FAR2: variants seen among roughly 807,000 people sequenced by gnomAD.
FAR2 encodes the protein epididymis secretory protein Li 81.
A neutral mutation model predicts 56.0 loss-of-function variants in FAR2; 19 were observed. The ratio of observed to expected loss-of-function variants is 0.34; its 90% CI spans 0.24 to 0.50. FAR2 has a LOEUF of 0.50. Ranked by LOEUF, FAR2 falls within the 20% of genes least tolerant of loss-of-function variation. The pLI, the probability that FAR2 is intolerant of heterozygous loss-of-function variation, is 0.98. For missense variants in FAR2, 508 were observed against 642.2 expected (o/e 0.79, Z 2.26); for synonymous variants, 219 against 218.8 (o/e 1.00, Z -0.01).
intron 3 of FAR2, among the ~76,000 whole-genome samples, chr12:29,295,391 G>C (rs2136755026): frequency 6.6e-6 from 1 of 152,092 alleles, no homozygotes; most frequent in Middle Eastern, 3.4e-3. Context: ...CATTTTTATA[G>C]AATTTTCCTT....
chr12:29,288,931 C>T (rs746383543), intron 2 of FAR2, among the ~76,000 whole-genome samples: 1 of 151,948 alleles, frequency 6.6e-6, no homozygotes, highest in Non-Finnish European at 1.5e-5. Flanking sequence ...TTTAAAAAGC[C>T]TTTAAAATAG....
intron 1 of FAR2, among the ~76,000 whole-genome samples, chr12:29,241,965 C>T (rs1315434151): frequency 6.6e-6 from 1 of 152,208 alleles, no homozygotes; most frequent in Non-Finnish European, 1.5e-5. Context: ...CCCATGTATT[C>T]TGTGACAGCT....
intron 10 of FAR2, among the ~76,000 whole-genome samples, chr12:29,327,372 A>G (rs1472980444): frequency 6.6e-6 from 1 of 152,152 alleles, no homozygotes; most frequent in African/African-American, 2.4e-5. Flanking sequence ...CAAGCTACCA[A>G]AGACTTTCTT....
chr12:29,258,252 G>A (rs143376976), intron 1 of FAR2, among the ~76,000 whole-genome samples: 142 of 152,088 alleles, frequency 9.3e-4, no homozygotes, highest in African/African-American at 3.3e-3. Context: ...CTACTCGGGA[G>A]GCTGAGACAG....
chr12:29,330,374 A>G (rs186770711), intron 10 of FAR2, among the ~76,000 whole-genome samples: 67 of 152,244 alleles, frequency 4.4e-4, no homozygotes, highest in Non-Finnish European at 8.5e-4. Context: ...GATTTTTAAA[A>G]AGTTATTTCT....
At chr12:29,258,917 C>G (rs752273885) in intron 1 of FAR2, among the ~76,000 whole-genome samples, 1 of 152,180 alleles carries the variant, frequency 6.6e-6, no homozygotes, top group Non-Finnish European at 1.5e-5. Context: ...AAGTTTCTCT[C>G]TTGAAAAATC....
At chr12:29,187,853 A>G (rs1950058414) in intron 1 of FAR2, among the ~76,000 whole-genome samples, 1 of 152,228 alleles carries the variant, frequency 6.6e-6, no homozygotes, top group African/African-American at 2.4e-5. Flanking sequence ...CCATTGTAGC[A>G]TGAAAGCAGC....
chr12:29,160,303 C>G (rs2136577067), intron 1 of FAR2, among the ~76,000 whole-genome samples: 1 of 152,224 alleles, frequency 6.6e-6, no homozygotes, highest in Non-Finnish European at 1.5e-5. Flanking sequence ...TTACATTGTT[C>G]CAAAACAGAG....
chr12:29,183,752 A>G (rs1285213275), intron 1 of FAR2, among the ~76,000 whole-genome samples: 9 of 152,236 alleles, frequency 5.9e-5, no homozygotes, highest in Non-Finnish European at 1.3e-4. Context: ...CTTTTCCATA[A>G]GACAGTCTCT....
At chr12:29,154,056 T>C (rs1949702873) in intron 1 of FAR2, among the ~76,000 whole-genome samples, 1 of 152,226 alleles carries the variant, frequency 6.6e-6, no homozygotes, top group African/African-American at 2.4e-5. Flanking sequence ...GAATGATTTT[T>C]AAAATCATGC....
chr12:29,189,103 C>A (rs1046258362), intron 1 of FAR2, among the ~76,000 whole-genome samples: 3 of 152,076 alleles, frequency 2.0e-5, no homozygotes, highest in Admixed American at 6.6e-5. Flanking sequence ...GTCTACCCAA[C>A]CTTCAAGGAG....
intron 1 of FAR2, chr12:29,151,730 T>C (rs1284869888): frequency 2.0e-5 from 3 of 152,230 alleles, no homozygotes; most frequent in Non-Finnish European, 4.4e-5. Context: ...TGCTGCTCAC[T>C]TAGGTGCTCT....
chr12:29,293,610 AC>A, intron 3 of FAR2, 135 bp downstream of exon 3: 1 of 722,078 alleles, frequency 1.4e-6, no homozygotes, highest in Non-Finnish European at 2.0e-6. Flanking sequence ...CCAAAATCCC[AC>A]CATCTAGAAA....
rs1949677116 is a variant in FAR2 at position 29,328,105 on chromosome 12, G to C, written c.1258-4495G>C. Among the ~76,000 whole-genome samples the C allele has an allele frequency of 3.9e-5, 6 of 152,106 alleles. 1 individual carries two copies. The South Asian group carries it at 1.2e-3, about 32-fold the overall frequency. On this transcript the variant is annotated intron_variant, in intron 10 of 11. Coordinates refer to ENST00000536681, the MANE Select transcript of FAR2 (RefSeq NM_001271783.2). ...AAAAAGTGGGCTAAGGATATGAACA[G>C]ACACTTCTCAAAAGAAGACATTTAT...
intron 2 of FAR2, among the ~76,000 whole-genome samples, chr12:29,284,562 C>G (rs1017603919): frequency 2.6e-5 from 4 of 152,246 alleles, no homozygotes; most frequent in African/African-American, 9.6e-5. Flanking sequence ...GGTGATAAAT[C>G]ACGCAGGGTT....
At chr12:29,285,154 G>A (rs1948853332) in intron 2 of FAR2, among the ~76,000 whole-genome samples, 1 of 151,972 alleles carries the variant, frequency 6.6e-6, no homozygotes, top group Non-Finnish European at 1.5e-5. Context: ...TTACTGCTAA[G>A]TTTCTTGTTA....
chr12:29,213,497 C>T (rs1402516294), intron 1 of FAR2, among the ~76,000 whole-genome samples: 1 of 152,094 alleles, frequency 6.6e-6, no homozygotes, highest in Non-Finnish European at 1.5e-5. Context: ...TGAGACCAGC[C>T]TGGTCAACAT....
At chr12:29,176,165 A>AT (rs1249464267) in intron 1 of FAR2, among the ~76,000 whole-genome samples, 3 of 152,242 alleles carry the variant, frequency 2.0e-5, no homozygotes. Flanking sequence ...TGCTCCCCAG[A>AT]TTCCTCATAT....
Position 29,333,681 on chromosome 12 carries a change from T to C in FAR2, c.1435T>C (p.Trp479Arg), listed in dbSNP as rs1327268004. Residue 479 changes from tryptophan (W) to arginine (R), a missense_variant, in exon 12 of 12, where the codon TGG (tryptophan) becomes CGG (arginine). Coordinates refer to ENST00000536681, the MANE Select transcript of FAR2 (RefSeq NM_001271783.2). The part of the protein sequence containing the change: ...LFNTALFLIA[W>R]RLLIARSQMA... Reference sequence around the variant, plus strand: ...TAATACTGCCCTCTTCCTTATCGCCTGGCGCCTTCTCATTGCAAGATCTCA... The same window carrying C: ...TAATACTGCCCTCTTCCTTATCGCCCGGCGCCTTCTCATTGCAAGATCTCA... 1 of 1,613,886 alleles carries C rather than the reference T, an allele frequency of 6.2e-7. No homozygotes were observed. Among genetic ancestry groups the C allele is most frequent in the Admixed American group, 1.7e-5 (1 of 60,006 alleles).
Sources: gnomAD v4.1 joint callset for allele counts (sites outside exome capture counted in the v4.1 genomes callset) on GRCh38, gnomAD v4.1.1 for gene constraint, MANE v1.5 for transcripts, NCBI Gene and HGNC (gene_info 2026-07-23, HGNC 2026-07-21) for gene names.